Variants in PNKD observed in about 807,000 individuals in gnomAD.
PNKD encodes probable thioesterase PNKD.
PNKD carries 36 observed loss-of-function variants against 45.3 expected under a neutral mutation model. The ratio of observed to expected loss-of-function variants is 0.80; its 90% CI spans 0.61 to 1.05. The LOEUF is 1.05. Among genes scored for constraint, PNKD ranks in the 50% least tolerant of loss-of-function variants. The pLI is 0.00. For missense variants in PNKD, 511 were observed against 506.6 expected, an observed-to-expected ratio of 1.01 and a Z score of -0.08; for synonymous variants, 197 against 210.1, an observed-to-expected ratio of 0.94 and a Z score of 0.54.
Position 218,272,652 on chromosome 2 carries a change from G to C in PNKD, c.236+1103G>C, listed in dbSNP as rs768442818. Reference sequence around the variant, plus strand: ...CAAGGACCGTGTGAAGCAGATGAAGGCTCGGCAGAACATGCGGTTGTCCAA... The same window carrying C: ...CAAGGACCGTGTGAAGCAGATGAAGCCTCGGCAGAACATGCGGTTGTCCAA... On this transcript the variant is annotated intron_variant, in intron 2 of 9. Coordinates refer to ENST00000273077, the MANE Select transcript of PNKD (RefSeq NM_015488.5). 6.2e-6 allele frequency: 10 copies of C among 1,614,084 alleles called. No individual in the cohort carries two copies. The Admixed American group carries it at 1.3e-4, about 22-fold the overall frequency.
chr2:218,295,777 G>A (rs1257145614), intron 2 of PNKD, among the ~76,000 whole-genome samples: 1 of 151,942 alleles, frequency 6.6e-6, no homozygotes, highest in Non-Finnish European at 1.5e-5. Context: ...TGCCCCTGGG[G>A]TAGGGTTCCA....
At chr2:218,336,764 A>G (rs975201627) in intron 2 of PNKD, among the ~76,000 whole-genome samples, 1 of 140,938 alleles carries the variant, frequency 7.1e-6, no homozygotes. Flanking sequence ...TACAGGAGTG[A>G]GTCACCACAC....
chr2:218,331,295 A>G (rs1417718003), intron 2 of PNKD, among the ~76,000 whole-genome samples: 1 of 151,902 alleles, frequency 6.6e-6, no homozygotes, highest in Non-Finnish European at 1.5e-5. Context: ...AATCCCAGCT[A>G]CTTCGGGAGG....
At chr2:218,272,666 G>A in intron 2 of PNKD, 1 of 1,614,196 alleles carries the variant, frequency 6.2e-7, no homozygotes, top group Non-Finnish European at 8.5e-7. Flanking sequence ...GGCAGAACAT[G>A]CGGTTGTCCA....
intron 2 of PNKD, among the ~76,000 whole-genome samples, chr2:218,303,360 T>C (rs1693322140): frequency 6.6e-6 from 1 of 152,026 alleles, no homozygotes; most frequent in African/African-American, 2.4e-5. Context: ...AGGAAGCCAT[T>C]GAGTGATTTT....
rs79185944 is a variant in PNKD, at chr2:218,317,235, G to A, written c.237-22548G>A. ...AGGCAGAGTTCAGAACCACCTATGC[G>A]AAATGCACACTCTTGGGCCCCAGCC... On this transcript the variant is annotated intron_variant, in intron 2 of 9. Coordinates refer to ENST00000273077, the MANE Select transcript of PNKD (RefSeq NM_015488.5). Among the ~76,000 whole-genome samples the A allele has an allele frequency of 3.7e-4, 57 of 152,304 alleles. No homozygotes were observed. The East Asian group carries it at 0.01, about 27-fold the overall frequency.
At chr2:218,314,768 G>A (rs1376851257) in intron 2 of PNKD, among the ~76,000 whole-genome samples, 1 of 151,398 alleles carries the variant, frequency 6.6e-6, no homozygotes, top group Non-Finnish European at 1.5e-5. Context: ...CGGCTTACTG[G>A]AACCTCCACC....
chr2:218,294,760 G>A (rs912218085), intron 2 of PNKD, among the ~76,000 whole-genome samples: 4 of 152,316 alleles, frequency 2.6e-5, no homozygotes, highest in Admixed American at 2.0e-4. Flanking sequence ...TTATAGGCGT[G>A]AGCCACTGCA....
intron 2 of PNKD, among the ~76,000 whole-genome samples, chr2:218,281,554 G>A (rs983899390): frequency 2.6e-5 from 4 of 152,232 alleles, no homozygotes; most frequent in Non-Finnish European, 5.9e-5. Flanking sequence ...AGTGGTTCAG[G>A]TTCCCAAAGG....
intron 2 of PNKD, among the ~76,000 whole-genome samples, chr2:218,302,483 CA>C (rs1693296825): frequency 6.6e-6 from 1 of 152,126 alleles, no homozygotes; most frequent in Admixed American, 6.6e-5. Context: ...GCAGAAGGAT[CA>C]AGCTATGTGA....
chr2:218,299,051 C>A (rs1474510095), intron 2 of PNKD, among the ~76,000 whole-genome samples: 1 of 152,186 alleles, frequency 6.6e-6, no homozygotes, highest in East Asian at 1.9e-4. Context: ...CGTGATTTGA[C>A]AATTCTGTGA....
At chr2:218,305,837 AGAG>A (rs1321208754) in intron 2 of PNKD, among the ~76,000 whole-genome samples, 1 of 152,220 alleles carries the variant, frequency 6.6e-6, no homozygotes, top group Non-Finnish European at 1.5e-5. Context: ...AAGCCTTCGA[AGAG>A]GAGGTTGAAT....
At chr2:218,277,913 C>T in intron 2 of PNKD, 1 of 1,614,126 alleles carries the variant, frequency 6.2e-7, no homozygotes, top group Non-Finnish European at 8.5e-7. Context: ...TCCACACCCT[C>T]CTGCCACCCT....
intron 2 of PNKD, chr2:218,327,292 T>C (rs1347031909): frequency 6.6e-6 from 1 of 152,188 alleles, no homozygotes; most frequent in Non-Finnish European, 1.5e-5. Flanking sequence ...AGGAAAGCCG[T>C]TATCTGGGGC....
At chr2:218,278,611 C>T (rs1559502096) in intron 2 of PNKD, 5 of 1,606,162 alleles carry the variant, frequency 3.1e-6, no homozygotes, top group Admixed American at 1.7e-5. Context: ...AAATCTGCCC[C>T]GCTTGGCAGC....
At chr2:218,279,730 T>C (rs532121834) in intron 2 of PNKD, among the ~76,000 whole-genome samples, 12 of 152,206 alleles carry the variant, frequency 7.9e-5, no homozygotes, top group Middle Eastern at 3.4e-3. Context: ...CTGCCTATAG[T>C]CTAAAGGGAG....
At chr2:218,325,400 GT>G in intron 2 of PNKD, among the ~76,000 whole-genome samples, 1 of 150,304 alleles carries the variant, frequency 6.7e-6, no homozygotes, top group Non-Finnish European at 1.5e-5. Flanking sequence ...TAGAGATGGG[GT>G]TTCATCATGT....
chr2:218,270,980 C>A, intron 1 of PNKD: 1 of 317,716 alleles, frequency 3.1e-6, no homozygotes, highest in South Asian at 7.4e-5. Flanking sequence ...CTTCAGTTTC[C>A]TCTTCCGTAC....
intron 2 of PNKD, among the ~76,000 whole-genome samples, chr2:218,297,826 C>T (rs1293763612): frequency 2.6e-5 from 4 of 151,460 alleles, no homozygotes; most frequent in Non-Finnish European, 5.9e-5. Context: ...AGTGAAACCC[C>T]GTCTCTACTA....
Sources: allele counts gnomAD v4.1 joint callset (sites outside exome capture counted in the v4.1 genomes callset), GRCh38; gene constraint gnomAD v4.1.1; transcripts MANE v1.5; gene names NCBI Gene and HGNC (gene_info 2026-07-23, HGNC 2026-07-21).